SAFB: variants seen among roughly 807,000 people sequenced by gnomAD.
SAFB encodes scaffold attachment factor B.
Under a neutral mutation model 101.6 loss-of-function variants are expected in SAFB, and 15 were observed. The ratio of observed to expected loss-of-function variants is 0.15; its 90% CI spans 0.10 to 0.23. SAFB has a LOEUF of 0.23. SAFB is among the 10% of genes least tolerant of loss of function. The pLI is 1.00. For missense variants in SAFB, 930 were observed against 1,104.1 expected (o/e 0.84, Z 2.23); for synonymous variants, 449 against 407.5 (o/e 1.10, Z -1.23).
intron 17 of SAFB, chr19:5,664,767 A>C (rs1484793272): frequency 1.6e-5 from 5 of 309,726 alleles, no homozygotes; most frequent in Non-Finnish European, 3.1e-5. Flanking sequence ...TGAGCCGCAC[A>C]GCTGACTCAG....
intron 1 of SAFB, among the ~76,000 whole-genome samples, chr19:5,625,764 C>T (rs533387709): frequency 2.0e-5 from 3 of 152,224 alleles, no homozygotes; most frequent in South Asian, 4.2e-4. Context: ...ATTCAATATC[C>T]GATGAGGCAC....
At chr19:5,647,869 A>G in intron 5 of SAFB, 147 bp from the exon 6 acceptor site, 1 of 736,328 alleles carries the variant, frequency 1.4e-6, no homozygotes, top group Non-Finnish European at 2.4e-6. Flanking sequence ...AGCCATTCCT[A>G]GAACAAGCAG....
intron 2 of SAFB, among the ~76,000 whole-genome samples, chr19:5,630,703 C>T (rs953950350): frequency 2.0e-5 from 3 of 151,588 alleles, no homozygotes; most frequent in Non-Finnish European, 4.4e-5. Flanking sequence ...TTGCAGTGAG[C>T]CGAGATCACG....
intron 14 of SAFB, 120 bp from the exon 15 acceptor site, chr19:5,661,398 C>CA (rs2054198809): frequency 1.1e-5 from 16 of 1,518,914 alleles, no homozygotes; most frequent in Non-Finnish European, 1.2e-5. Context: ...TACGGTTCTG[C>CA]AGACCACGTA....
At chr19:5,624,632 G>A (rs1268175467) in intron 1 of SAFB, among the ~76,000 whole-genome samples, 2 of 151,818 alleles carry the variant, frequency 1.3e-5, no homozygotes, top group Non-Finnish European at 2.9e-5. Flanking sequence ...TCCTGACTCC[G>A]GAACTACGGA....
chr19:5,667,543 T>C lies in SAFB; in HGVS notation c.2557+93T>C. 1 of 889,552 alleles carries C rather than the reference T, an allele frequency of 1.1e-6. No individual in the cohort carries two copies. The allele number at this position is 889,552 out of a possible 1,614,324, so 55.1% of individuals were successfully genotyped here. A position where few individuals can be genotyped will look rare whatever the true frequency, so the allele number is the denominator to read the frequency against. On this transcript the variant is annotated intron_variant, in intron 19 of 20. Transcript: ENST00000588852. The surrounding 1 kb of genome is among the most constrained non-coding windows in gnomAD (Gnocchi z 4.0). Reference sequence around the variant, plus strand: ...TCTCTCCTTGGGGGAGCACAGGAGGTGCTCTGCTCTCAGTGCTGGAATGAG... The same window carrying C: ...TCTCTCCTTGGGGGAGCACAGGAGGCGCTCTGCTCTCAGTGCTGGAATGAG...
intron 14 of SAFB, among the ~76,000 whole-genome samples, chr19:5,660,795 T>A (rs1423142164): frequency 1.3e-5 from 2 of 151,758 alleles, no homozygotes; most frequent in African/African-American, 4.8e-5. Flanking sequence ...AAATGTCATC[T>A]GTATCCAAAA....
At chr19:5,657,515 CTCTTT>C (rs1164884497) in intron 14 of SAFB, among the ~76,000 whole-genome samples, 168 bp downstream of exon 14, 6 of 152,122 alleles carry the variant, frequency 3.9e-5, no homozygotes, top group Non-Finnish European at 7.4e-5. Context: ...CATCCTACGG[CTCTTT>C]TCTTTTCTTT....
chr19:5,642,733 G>T (rs2053750035), intron 4 of SAFB, among the ~76,000 whole-genome samples: 1 of 128,868 alleles, frequency 7.8e-6, no homozygotes, highest in South Asian at 2.6e-4. Flanking sequence ...CGCGATCTCA[G>T]CTCACTGCAA....
At chr19:5,624,462 C>T (rs2053298971) in intron 1 of SAFB, among the ~76,000 whole-genome samples, 1 of 152,088 alleles carries the variant, frequency 6.6e-6, no homozygotes, top group African/African-American at 2.4e-5. Flanking sequence ...AGCAGAGAGG[C>T]AAGTAAAGGT....
intron 8 of SAFB, among the ~76,000 whole-genome samples, chr19:5,650,542 G>A (rs1348786471): frequency 6.6e-6 from 1 of 152,142 alleles, no homozygotes; most frequent in African/African-American, 2.4e-5. Context: ...CTCCTGAGTA[G>A]CTGGGATTAT....
chr19:5,652,532 T>C (rs1405417818), intron 9 of SAFB, among the ~76,000 whole-genome samples: 1 of 152,206 alleles, frequency 6.6e-6, no homozygotes, highest in African/African-American at 2.4e-5. Flanking sequence ...GGGCTTTTCC[T>C]GAGCCATGGT....
intron 5 of SAFB, among the ~76,000 whole-genome samples, chr19:5,647,466 C>T (rs940325460): frequency 6.6e-6 from 1 of 152,144 alleles, no homozygotes; most frequent in Non-Finnish European, 1.5e-5. Flanking sequence ...TGGGAAGAGT[C>T]TGAATGACTT....
At chr19:5,655,464 A>T (rs1165033098) in intron 13 of SAFB, among the ~76,000 whole-genome samples, 1 of 150,972 alleles carries the variant, frequency 6.6e-6, no homozygotes, top group African/African-American at 2.4e-5. Flanking sequence ...CATCTCAAAA[A>T]AAAAAAAAAA....
chr19:5,637,803 A>G (rs1210608344), intron 2 of SAFB, among the ~76,000 whole-genome samples: 1 of 152,240 alleles, frequency 6.6e-6, no homozygotes, highest in East Asian at 1.9e-4. Flanking sequence ...AATGCTAGGA[A>G]GCTGTGCTGG....
intron 14 of SAFB, 100 bp downstream of exon 14, chr19:5,657,447 C>A: frequency 1.3e-6 from 1 of 742,888 alleles, no homozygotes; most frequent in South Asian, 1.7e-5. Flanking sequence ...TGGGATAGAG[C>A]TGTGAACCTT....
intron 2 of SAFB, among the ~76,000 whole-genome samples, chr19:5,637,390 G>A (rs1192119980): frequency 3.3e-5 from 5 of 150,704 alleles, no homozygotes; most frequent in East Asian, 2.0e-4. Context: ...GTGGTGACTC[G>A]TGCCTGTAAT....
chr19:5,654,558 T>C (rs911283886), intron 13 of SAFB, 102 bp downstream of exon 13: 3 of 807,114 alleles, frequency 3.7e-6, no homozygotes, highest in Non-Finnish European at 6.4e-6. Context: ...AAAAAGCTTT[T>C]GTCGGCCGTT....
intron 2 of SAFB, among the ~76,000 whole-genome samples, chr19:5,639,421 G>C (rs1034859940): frequency 1.3e-5 from 2 of 152,102 alleles, no homozygotes; most frequent in African/African-American, 4.8e-5. Context: ...GCCAGGGCGC[G>C]GTGGCTCATG....
Sources: gnomAD v4.1 joint callset for allele counts (sites outside exome capture counted in the v4.1 genomes callset) on GRCh38, gnomAD v4.1.1 for gene constraint, Gnocchi (gnomAD v3.1) non-coding constraint, MANE v1.5 for transcripts, NCBI Gene and HGNC (gene_info 2026-07-23, HGNC 2026-07-21) for gene names.